The following GPAM variants were observed in gnomAD, a reference collection of about 807,000 sequenced individuals.
GPAM encodes glycerol-3-phosphate acyltransferase 1, mitochondrial.
In GPAM, 56 loss-of-function variants were observed where a neutral mutation model predicts 105.0. The ratio of observed to expected loss-of-function variants is 0.53; its 90% confidence interval spans 0.43 to 0.67. The LOEUF (loss-of-function observed/expected upper bound fraction) is 0.67. GPAM is among the 30% of genes least tolerant of loss of function. GPAM has a pLI of 0.00. For synonymous variants in GPAM, 368 were observed against 354.4 expected (o/e 1.04, Z -0.43); for missense variants, 855 against 989.8 (o/e 0.86, Z 1.83).
At position 112,178,003 on chromosome 10, in the gene GPAM, TATAA is replaced by T. The variant is rs1285713955; in HGVS notation, c.276_279del (p.Tyr93SerfsTer36). The T allele has an allele frequency of 6.3e-7, 1 of 1,594,146 alleles. No individual in the cohort carries two copies. Among genetic ancestry groups the T allele is most frequent in the East Asian group, 2.2e-5 (1 of 44,718 alleles). On this transcript the variant is annotated frameshift_variant, in exon 5 of 22. Coordinates refer to ENST00000348367, the MANE Select transcript of GPAM (RefSeq NM_001244949.2). LOFTEE classifies it high-confidence loss of function. ...TTTTACCTTGTGTGAGTTTCATTGA[TATAA>T]ATAACATTCCGCAAACCCAAAGACG...
intron 19 of GPAM, chr10:112,156,475 A>G: frequency 3.6e-6 from 1 of 275,216 alleles, no homozygotes. Context: ...CTCCTTCTGC[A>G]GCACCTATTC....
At chr10:112,165,942 A>T (rs775624044) in intron 12 of GPAM, among the ~76,000 whole-genome samples, 5 of 152,088 alleles carry the variant, frequency 3.3e-5, no homozygotes, top group Non-Finnish European at 5.9e-5. Flanking sequence ...ATCTATATAC[A>T]ATGTGTAATG....
rs1396580538 is a variant in GPAM at position 112,181,706 on chromosome 10, A to C, written c.79T>G (p.Cys27Gly). The change falls in exon 3 of 22, where the codon TGT (cysteine) becomes GGT (glycine). Residue 27 changes from cysteine to glycine, a missense_variant. By Grantham distance (159) the Cys-to-Gly change is radical. Transcript: ENST00000348367. ...PHSSEYSVGR[C>G]KHTSEEWGEC... ...ACCCATTCCTCACTTGTGTGCTTACATCGACCAACACTGTATTCTGATGAA... is the reference window on the plus strand; with the variant it reads ...ACCCATTCCTCACTTGTGTGCTTACCTCGACCAACACTGTATTCTGATGAA... 6.2e-7 allele frequency: 1 copy of C among 1,604,146 alleles called. No homozygotes were observed.
intron 21 of GPAM, 199 bp from the exon 22 acceptor site, chr10:112,153,865 T>C: frequency 4.3e-6 from 2 of 461,904 alleles, no homozygotes; most frequent in Non-Finnish European, 7.1e-6. Context: ...GGTTTTCTTT[T>C]TCTATTTTTT....
At chr10:112,192,882 C>T (rs1007069301) in intron 1 of GPAM, among the ~76,000 whole-genome samples, 1 of 152,170 alleles carries the variant, frequency 6.6e-6, no homozygotes, top group Non-Finnish European at 1.5e-5. Flanking sequence ...GGCAATGATT[C>T]AGGAGCTATG....
intron 1 of GPAM, among the ~76,000 whole-genome samples, chr10:112,197,336 A>T (rs1053375368): frequency 5.3e-5 from 8 of 152,084 alleles, no homozygotes; most frequent in African/African-American, 1.9e-4. Context: ...AAAATTGCTT[A>T]CTTGGTTAGT....
chr10:112,192,885 G>A (rs1017122671), intron 1 of GPAM, among the ~76,000 whole-genome samples: 3 of 152,196 alleles, frequency 2.0e-5, no homozygotes, highest in African/African-American at 4.8e-5. Flanking sequence ...AATGATTCAG[G>A]AGCTATGTTG....
At chr10:112,192,574 A>C (rs1011380012) in intron 1 of GPAM, among the ~76,000 whole-genome samples, 8 of 152,184 alleles carry the variant, frequency 5.3e-5, no homozygotes, top group African/African-American at 1.9e-4. Flanking sequence ...AAGAGGGAAG[A>C]GCACAGGCCA....
At chr10:112,212,931 C>T (rs929480709) in intron 1 of GPAM, among the ~76,000 whole-genome samples, 10 of 152,192 alleles carry the variant, frequency 6.6e-5, no homozygotes, top group Non-Finnish European at 1.2e-4. Flanking sequence ...CATGTTTAGG[C>T]GAAAGCCTGT....
intron 1 of GPAM, among the ~76,000 whole-genome samples, chr10:112,190,667 G>A (rs923800138): frequency 6.6e-6 from 1 of 152,142 alleles, no homozygotes; most frequent in African/African-American, 2.4e-5. Flanking sequence ...AGATGTTAGA[G>A]GATGACTGGA....
rs1036500097 is a variant in GPAM at position 112,153,209 on chromosome 10, C to T, written c.*341G>A. ...TCAGTTCCAGAACACAGCTACATTT[C>T]TGTGTCCATCACAGTAATTAGTCCT... On this transcript the variant is annotated 3_prime_UTR_variant, in exon 22 of 22. Transcript: ENST00000348367. The T allele has an allele frequency of 1.8e-6, 2 of 1,139,962 alleles. No homozygotes were observed. The highest frequency in any genetic ancestry group is 8.5e-5 in the Admixed American group (2 of 23,652). The allele number at this position is 1,139,962 out of a possible 1,614,324, so 70.6% of individuals were successfully genotyped here.
the GPAM span, among the ~76,000 whole-genome samples, chr10:112,223,903 C>T: frequency 3.3e-5 from 5 of 152,246 alleles, no homozygotes; most frequent in Non-Finnish European, 5.9e-5. Flanking sequence ...GAGTCATGGA[C>T]GCTTATGGTT....
chr10:112,156,056 G>A lies in GPAM; in HGVS notation c.2122-3C>T. ...TGGTGCTCCTTGGATTGGCTCACCT[G>A]AGTGTGCAAAAGCAGGAGATGAAGT... On this transcript the variant is annotated splice_polypyrimidine_tract_variant and splice_region_variant and intron_variant, in intron 19 of 21. Transcript: ENST00000348367. 6.2e-7 allele frequency: 1 copy of A among 1,607,160 alleles called. No homozygotes were observed. Among genetic ancestry groups the A allele is most frequent in the Non-Finnish European group, 8.5e-7 (1 of 1,174,414 alleles).
intron 1 of GPAM, among the ~76,000 whole-genome samples, chr10:112,214,709 C>T (rs1056579676): frequency 3.9e-5 from 6 of 152,178 alleles, no homozygotes; most frequent in African/African-American, 1.4e-4. Context: ...GGATTGGTAC[C>T]AGGATTTGTA....
intron 9 of GPAM, among the ~76,000 whole-genome samples, chr10:112,170,418 T>C (rs907046438): frequency 6.6e-6 from 1 of 152,244 alleles, no homozygotes; most frequent in African/African-American, 2.4e-5. Context: ...ACAGGTGAGC[T>C]ACACAGTCAC....
chr10:112,212,321 G>A (rs1024653079), intron 1 of GPAM, among the ~76,000 whole-genome samples: 1 of 152,120 alleles, frequency 6.6e-6, no homozygotes, highest in Non-Finnish European at 1.5e-5. Flanking sequence ...GGAGTGCAGT[G>A]GTGCGATCTC....
At chr10:112,161,237 G>A (rs1373538168) in intron 15 of GPAM, among the ~76,000 whole-genome samples, 1 of 152,078 alleles carries the variant, frequency 6.6e-6, no homozygotes, top group East Asian at 1.9e-4. Context: ...ATATATATTG[G>A]CACTGTTTGG....
chr10:112,195,357 C>G (rs898410413), intron 1 of GPAM, among the ~76,000 whole-genome samples: 10 of 152,324 alleles, frequency 6.6e-5, no homozygotes, highest in Admixed American at 2.0e-4. Flanking sequence ...CTCACCACCC[C>G]CCATCTCCGT....
chr10:112,155,715 T>C (rs570740870), intron 20 of GPAM, 149 bp downstream of exon 20: 19 of 601,092 alleles, frequency 3.2e-5, no homozygotes, highest in East Asian at 2.6e-4. Flanking sequence ...ATTCAACTTA[T>C]ATAACATGCC....
Sources: allele counts gnomAD v4.1 joint callset (sites outside exome capture counted in the v4.1 genomes callset), GRCh38; gene constraint gnomAD v4.1.1; transcripts MANE v1.5; gene names NCBI Gene and HGNC (gene_info 2026-07-23, HGNC 2026-07-21).